Variants in TBC1D9B observed in about 807,000 individuals in gnomAD.
TBC1D9B encodes TBC1 domain family, member 9B (with GRAM domain).
In TBC1D9B, 87 loss-of-function variants were observed where a neutral mutation model predicts 121.1. That is an observed-to-expected ratio of 0.72 (90% CI 0.60 to 0.86). The LOEUF (loss-of-function observed/expected upper bound fraction) is 0.86. Among genes scored for constraint, TBC1D9B ranks in the 40% least tolerant of loss-of-function variants. The probability of loss-of-function intolerance (pLI) is 0.00; values close to 1 mark genes in which losing one functional copy is unlikely to be tolerated. For missense variants in TBC1D9B, 1,540 were observed against 1,628.6 expected, an observed-to-expected ratio of 0.95 and a Z score of 0.94; for synonymous variants, 668 against 670.1, an observed-to-expected ratio of 1.00 and a Z score of 0.05.
Position 179,893,451 on chromosome 5 carries a change from C to T in TBC1D9B, c.594G>A (p.Gln198=). 6.2e-7 allele frequency: 1 copy of T among 1,606,238 alleles called. No homozygotes were observed. Among genetic ancestry groups the T allele is most frequent in the South Asian group, 1.1e-5 (1 of 90,152 alleles). The change falls in exon 5 of 21, where the codon CAG becomes CAA. Residue 198 remains glutamine, a synonymous_variant. Transcript: ENST00000355235. ...TCTCCAGACGCGTTATGTCCACCCA[C>T]TGCACCACGAGGCTCACTGTGCCCA... ...LLGKEVSLVV[Q]WVDITRLEKN... is the part of the protein sequence containing the mutation.
In TBC1D9B at chr5:179,875,228, G is replaced by A; in HGVS notation, c.1901-41C>T. On this transcript the variant is annotated intron_variant, in intron 11 of 20. Transcript: ENST00000355235. The surrounding 1 kb of genome is among the most constrained non-coding windows in gnomAD (Gnocchi z 4.5). ...GCGAGGCTGATGGTGAGCCCACCCT[G>A]TGGCCTGGGTGGGCCCTCACCTGCA... is the stretch of plus-strand genomic sequence containing the variant. 6.3e-7 allele frequency: 1 copy of A among 1,595,228 alleles called. No homozygotes were observed. Among genetic ancestry groups the A allele is most frequent in the Admixed American group, 1.7e-5 (1 of 59,342 alleles).
chr5:179,890,912 G>T lies in TBC1D9B; in HGVS notation c.1044+467C>A, dbSNP rs1678928858. Among the ~76,000 whole-genome samples, 1 of 152,218 alleles carries T rather than the reference G, an allele frequency of 6.6e-6. No homozygotes were observed. Among genetic ancestry groups the T allele is most frequent in the Non-Finnish European group, 1.5e-5 (1 of 68,028 alleles). ...GGAGAGCCGACGCCGCCCCACAGGG[G>T]AGAGCCGACCTCTGATGGCCTGCTG... On this transcript the variant is annotated intron_variant, in intron 6 of 20. Coordinates refer to ENST00000355235, the MANE Select transcript of TBC1D9B (RefSeq NM_015043.4). This position sits in a 1 kb window ranked among gnomAD's most constrained non-coding sequence, Gnocchi z 5.0.
At chr5:179,876,628 A>G (rs1760367600) in intron 10 of TBC1D9B, among the ~76,000 whole-genome samples, 1 of 152,196 alleles carries the variant, frequency 6.6e-6, no homozygotes, top group South Asian at 2.1e-4. Context: ...CCTAAAGTAC[A>G]ATTAGATACC....
At position 179,878,304 on chromosome 5, in the gene TBC1D9B, C is replaced by T. The variant is rs756670484; in HGVS notation, c.1782+5G>A. The T allele has an allele frequency of 6.2e-7, 1 of 1,609,784 alleles. No homozygotes were observed. Among genetic ancestry groups the T allele is most frequent in the Non-Finnish European group, 8.5e-7 (1 of 1,178,818 alleles). ...CTGTCTCTGGGCCCCTGTCAGGCCC[C>T]TTACCTGGCAGTAGCCGATGGTGGG... On this transcript the variant is annotated splice_donor_5th_base_variant and intron_variant, in intron 10 of 20. Coordinates refer to ENST00000355235, the MANE Select transcript of TBC1D9B (RefSeq NM_015043.4).
At position 179,875,522 on chromosome 5, in the gene TBC1D9B, C is replaced by G. The variant is rs534818294; in HGVS notation, c.1901-335G>C. Among the ~76,000 whole-genome samples the G allele has an allele frequency of 3.9e-5, 6 of 152,236 alleles. No homozygotes were observed. The East Asian group carries it at 1.2e-3, about 29-fold the overall frequency. ...TGAATAGACGCAGCTCTGAAGGACC[C>G]CAAGAGCGGTAACTCCAAACACCAG... On this transcript the variant is annotated intron_variant, in intron 11 of 20. Coordinates refer to ENST00000355235, the MANE Select transcript of TBC1D9B (RefSeq NM_015043.4). The surrounding 1 kb of genome is among the most constrained non-coding windows in gnomAD (Gnocchi z 4.5).
At chr5:179,886,785 C>T (rs1760697429) in intron 7 of TBC1D9B, among the ~76,000 whole-genome samples, 1 of 152,184 alleles carries the variant, frequency 6.6e-6, no homozygotes, top group African/African-American at 2.4e-5. Context: ...ATGGACTCTT[C>T]TAATGGCCAA....
chr5:179,895,613 A>C (rs1760997195), intron 3 of TBC1D9B, among the ~76,000 whole-genome samples: 1 of 152,198 alleles, frequency 6.6e-6, no homozygotes, highest in Non-Finnish European at 1.5e-5. Flanking sequence ...GCCAGCCCCA[A>C]GCCTCCTGGG....
chr5:179,865,984 C>A lies in TBC1D9B; in HGVS notation c.2864-96G>T, dbSNP rs1441079429. 6.8e-7 allele frequency: 1 copy of A among 1,475,238 alleles called. No individual in the cohort carries two copies. The highest frequency in any genetic ancestry group is 1.1e-5 in the South Asian group (1 of 87,054). 91.4% of individuals were successfully genotyped at this position (1,475,238 alleles called of 1,614,324 possible). On this transcript the variant is annotated intron_variant, in intron 18 of 20. Coordinates refer to ENST00000355235, the MANE Select transcript of TBC1D9B (RefSeq NM_015043.4). The surrounding 1 kb of genome is among the most constrained non-coding windows in gnomAD (Gnocchi z 5.1). ...TTGAGATGTAGTCTGTGTTTCTGTA[C>A]AGCCAGCCCCAGGCCAGGCCCTGGG...
In TBC1D9B at chr5:179,874,728, G is replaced by A. The variant is rs891886329; in HGVS notation, c.2186+174C>T. Among the ~76,000 whole-genome samples, 1 of 152,202 alleles carries A rather than the reference G, an allele frequency of 6.6e-6. No individual in the cohort carries two copies. Among genetic ancestry groups the A allele is most frequent in the African/African-American group, 2.4e-5 (1 of 41,454 alleles). ...CTCCTCCTGGCACCTATCACTGAGCGCTGCTTCATCTCCCACTAGAAAGGA... is the reference window on the plus strand; with the variant it reads ...CTCCTCCTGGCACCTATCACTGAGCACTGCTTCATCTCCCACTAGAAAGGA... On this transcript the variant is annotated intron_variant, in intron 12 of 20. Transcript: ENST00000355235. The surrounding 1 kb of genome is among the most constrained non-coding windows in gnomAD (Gnocchi z 4.3).
At chr5:179,893,600 C>G (rs1760934248) in intron 4 of TBC1D9B, 133 bp from the exon 5 acceptor site, 1 of 1,287,110 alleles carries the variant, frequency 7.8e-7, no homozygotes, top group South Asian at 1.5e-5. Flanking sequence ...CCAGGCCTGT[C>G]TGGGCTGTGT....
At chr5:179,900,735 A>C (rs1761142365) in intron 2 of TBC1D9B, among the ~76,000 whole-genome samples, 1 of 152,122 alleles carries the variant, frequency 6.6e-6, no homozygotes, top group African/African-American at 2.4e-5. Context: ...CAGCACTATC[A>C]CTCACGCCTG....
Position 179,879,911 on chromosome 5 carries a change from T to A in TBC1D9B, c.1255-122A>T, listed in dbSNP as rs114034928. ...CAAGAAGGGCCATGGGGGCAAACGG[T>A]GCACGGAGAAGAGCCTGTCTGGCTG... On this transcript the variant is annotated intron_variant, in intron 7 of 20. Transcript: ENST00000355235. 2,277 of 1,213,322 alleles carry A rather than the reference T, an allele frequency of 1.9e-3. 4 individuals carry two copies. Among genetic ancestry groups the A allele is most frequent in the Non-Finnish European group, 2.4e-3 (2,131 of 895,414 alleles). The allele number at this position is 1,213,322 out of a possible 1,614,324, so 75.2% of individuals were successfully genotyped here.
At position 179,870,240 on chromosome 5, in the gene TBC1D9B, C is replaced by A. The variant is rs376212497; in HGVS notation, c.2725+15G>T. 3.5e-5 allele frequency: 56 copies of A among 1,613,428 alleles called. No individual in the cohort carries two copies. In the African/African-American group the frequency reaches 6.7e-4, roughly 19 times the overall value. On this transcript the variant is annotated intron_variant, in intron 16 of 20. Transcript: ENST00000355235. The stretch of plus-strand genomic sequence containing the variant: ...AGGGAGGGTCAAGCCCCTGGTAGGC[C>A]CTGCAGGCACTCACTCATCCCTGTC...
At chr5:179,879,527 C>T (rs1018886460) in intron 8 of TBC1D9B, 101 bp downstream of exon 8, 18 of 1,570,576 alleles carry the variant, frequency 1.1e-5, no homozygotes, top group Non-Finnish European at 1.6e-5. Context: ...AGCGGTCAGC[C>T]CAGGGCCCTG....
Position 179,875,299 on chromosome 5 carries a change from G to A in TBC1D9B, c.1901-112C>T. The A allele has an allele frequency of 1.5e-6, 2 of 1,329,958 alleles. No homozygotes were observed. Among genetic ancestry groups the A allele is most frequent in the East Asian group, 2.4e-5 (1 of 40,930 alleles). 82.4% of individuals were successfully genotyped at this position (1,329,958 alleles called of 1,614,324 possible). A position where few individuals can be genotyped will look rare whatever the true frequency, so the allele number is the denominator to read the frequency against. On this transcript the variant is annotated intron_variant, in intron 11 of 20. Coordinates refer to ENST00000355235, the MANE Select transcript of TBC1D9B (RefSeq NM_015043.4). The surrounding 1 kb of genome is among the most constrained non-coding windows in gnomAD (Gnocchi z 4.5). ...CCAGCCCTGCCAGCTGTGCAGTGAG[G>A]GCTGAGGGAGACTTGGAGTGCTGGG...
At chr5:179,906,451 C>T (rs1040005644) in intron 1 of TBC1D9B, among the ~76,000 whole-genome samples, 1 of 152,182 alleles carries the variant, frequency 6.6e-6, no homozygotes, top group Admixed American at 6.5e-5. Context: ...ATAAGCCTGC[C>T]GAGCACAGCA....
At chr5:179,893,819 G>A (rs570236096) in intron 4 of TBC1D9B, among the ~76,000 whole-genome samples, 1 of 152,190 alleles carries the variant, frequency 6.6e-6, no homozygotes, top group South Asian at 2.1e-4. Context: ...ACACAGAACA[G>A]GACACAGCCC....
chr5:179,869,827 C>T lies in TBC1D9B; in HGVS notation c.2733G>A (p.Met911Ile), dbSNP rs746313268. ...GCTTCTCTGTCAGGTCCCCGTGGTA[C>T]ATCCCGCCTGTGGAGAAGGCCAGGG... ...FKEFVTGMSGMYHGDLTEKLK... is the reference protein window; with the variant it reads ...FKEFVTGMSGIYHGDLTEKLK... The change falls in exon 17 of 21, where the codon ATG becomes ATA. Residue 911 changes from methionine to isoleucine, a missense_variant. Transcript: ENST00000355235. 2.6e-6 allele frequency: 4 copies of T among 1,553,632 alleles called. No homozygotes were observed. Among genetic ancestry groups the T allele is most frequent in the South Asian group, 1.2e-5 (1 of 81,070 alleles).
At chr5:179,867,987 T>A in intron 17 of TBC1D9B, 138 bp from the exon 18 acceptor site, 1 of 624,672 alleles carries the variant, frequency 1.6e-6, no homozygotes, top group Non-Finnish European at 2.5e-6. Context: ...CCCATGACAG[T>A]GCCCGGTAAT....
Sources: gnomAD v4.1 joint callset for allele counts (sites outside exome capture counted in the v4.1 genomes callset) on GRCh38, gnomAD v4.1.1 for gene constraint, Gnocchi (gnomAD v3.1) non-coding constraint, MANE v1.5 for transcripts, NCBI Gene and HGNC (gene_info 2026-07-23, HGNC 2026-07-21) for gene names.